The following MINDY3 variants were observed in gnomAD, a reference collection of about 807,000 sequenced individuals.
MINDY3 encodes the protein ubiquitin carboxyl-terminal hydrolase MINDY-3.
In MINDY3, 38 loss-of-function variants were observed where a neutral mutation model predicts 69.2. The ratio of observed to expected loss-of-function variants is 0.55; its 90% CI spans 0.42 to 0.72. The LOEUF (loss-of-function observed/expected upper bound fraction) is 0.72. MINDY3 is among the 30% of genes least tolerant of loss of function. The probability of loss-of-function intolerance (pLI) is 0.00; values close to 1 mark genes in which losing one functional copy is unlikely to be tolerated. For missense variants in MINDY3, 522 were observed against 519.0 expected (o/e 1.01, Z -0.06); for synonymous variants, 192 against 180.1 (o/e 1.07, Z -0.53).
intron 13 of MINDY3, 41 bp from the exon 14 acceptor site, chr10:15,782,267 T>C (rs757635397): frequency 7.6e-7 from 1 of 1,309,636 alleles, no homozygotes. Flanking sequence ...AAATTATATT[T>C]ATATCAGGCA....
chr10:15,843,129 A>T, intron 3 of MINDY3, 83 bp downstream of exon 3: 1 of 1,139,156 alleles, frequency 8.8e-7, no homozygotes, highest in South Asian at 1.4e-5. Context: ...ATTCCCACTG[A>T]TACTTGACTT....
chr10:15,810,810 G>C (rs976296791), intron 10 of MINDY3, among the ~76,000 whole-genome samples: 3 of 152,008 alleles, frequency 2.0e-5, no homozygotes, highest in Non-Finnish European at 4.4e-5. Flanking sequence ...GACGAATCTA[G>C]TACCCAGAAT....
At chr10:15,789,015 A>G (rs1837205176) in intron 12 of MINDY3, 2 of 370,230 alleles carry the variant, frequency 5.4e-6, no homozygotes, top group East Asian at 4.2e-5. Context: ...CACTTTTAGC[A>G]TTTTTTAAAA....
At chr10:15,801,835 C>T (rs1469306169) in intron 10 of MINDY3, among the ~76,000 whole-genome samples, 6 of 151,620 alleles carry the variant, frequency 4.0e-5, no homozygotes, top group Admixed American at 4.0e-4. Flanking sequence ...TTTACAGAGC[C>T]AATCAGAGTA....
rs1243383922 is a variant in MINDY3, at chr10:15,778,645, A to G, written c.*347T>C. ...GTGCCTCAATGAAATAAAACCCAAA[A>G]GTAGTTTATCAATAGTAACTGTGAT... On this transcript the variant is annotated 3_prime_UTR_variant, in exon 15 of 15. Coordinates refer to ENST00000277632, the MANE Select transcript of MINDY3 (RefSeq NM_024948.4). 1 of 164,326 alleles carries G rather than the reference A, an allele frequency of 6.1e-6. No homozygotes were observed. The highest frequency in any genetic ancestry group is 2.4e-5 in the African/African-American group (1 of 41,884). 10.2% of individuals were successfully genotyped at this position (164,326 alleles called of 1,614,324 possible).
rs777880686 is a variant in MINDY3, at chr10:15,789,237, T to C, written c.1028+10A>G. On this transcript the variant is annotated intron_variant, in intron 12 of 14. Transcript: ENST00000277632. Reference sequence around the variant, plus strand: ...TGAGTTGGCTAAATAACACTTCCTATTTAGCTTACTATTCAGGATCTGAAA... The same window carrying C: ...TGAGTTGGCTAAATAACACTTCCTACTTAGCTTACTATTCAGGATCTGAAA... The C allele has an allele frequency of 2.5e-6, 4 of 1,598,560 alleles. No homozygotes were observed. In the Admixed American group the frequency reaches 6.7e-5, roughly 27 times the overall value.
chr10:15,796,863 C>T (rs963250572), intron 10 of MINDY3, among the ~76,000 whole-genome samples: 1 of 152,048 alleles, frequency 6.6e-6, no homozygotes, highest in Non-Finnish European at 1.5e-5. Flanking sequence ...ATTTACCCCA[C>T]ATATCTAAGC....
At chr10:15,825,059 A>G (rs1038149439) in intron 8 of MINDY3, among the ~76,000 whole-genome samples, 1 of 152,212 alleles carries the variant, frequency 6.6e-6, no homozygotes. Flanking sequence ...ATTTATTTGT[A>G]GGAGACTTTC....
chr10:15,843,640 A>G (rs1833631769), intron 2 of MINDY3, among the ~76,000 whole-genome samples: 1 of 152,132 alleles, frequency 6.6e-6, no homozygotes, highest in Non-Finnish European at 1.5e-5. Context: ...AGATTCCTTC[A>G]GGTAAAAGAA....
Position 15,837,296 on chromosome 10 carries a change from G to A in MINDY3, c.484C>T (p.Pro162Ser), listed in dbSNP as rs138124154. The A allele has an allele frequency of 3.7e-5, 60 of 1,603,172 alleles. No homozygotes were observed. The highest frequency in any genetic ancestry group is 2.3e-4 in the South Asian group (20 of 88,836). The change falls in exon 6 of 15, where the codon CCA becomes TCA. Residue 162 changes from proline to serine, a missense_variant. By Grantham distance (74) the Pro-to-Ser change is moderately conservative. Transcript: ENST00000277632. ...LIQKRSFRSLPELKDAVLDQY... is the reference protein window; with the variant it reads ...LIQKRSFRSLSELKDAVLDQY... ...TCCAAGACAGCATCTTTTAATTCTG[G>A]TAAACTTCTGAACGATCTTTTTCTG...
chr10:15,819,563 C>T (rs1839612238), intron 9 of MINDY3, among the ~76,000 whole-genome samples: 1 of 152,146 alleles, frequency 6.6e-6, no homozygotes, highest in Non-Finnish European at 1.5e-5. Context: ...ATTAGCCAAT[C>T]CACAGGGGAG....
chr10:15,816,282 G>GAAAAAAAAAA, intron 10 of MINDY3, among the ~76,000 whole-genome samples: 1 of 108,500 alleles, frequency 9.2e-6, no homozygotes, highest in South Asian at 2.3e-4. Flanking sequence ...AAAAAAAAAT[G>GAAAAAAAAAA]AAAAAGAAAA....
At chr10:15,859,824 A>G (rs1450494763) in intron 1 of MINDY3, among the ~76,000 whole-genome samples, 1 of 152,170 alleles carries the variant, frequency 6.6e-6, no homozygotes, top group Non-Finnish European at 1.5e-5. Flanking sequence ...ACCACCACCA[A>G]TAGACAGCTC....
chr10:15,841,389 C>A, intron 4 of MINDY3, 37 bp downstream of exon 4: 1 of 1,530,624 alleles, frequency 6.5e-7, no homozygotes, highest in Non-Finnish European at 8.9e-7. Context: ...AACAAAGGAA[C>A]AAGAAAAAAA....
chr10:15,855,279 G>C (rs1227412302), intron 1 of MINDY3, among the ~76,000 whole-genome samples: 1 of 152,042 alleles, frequency 6.6e-6, no homozygotes, highest in Non-Finnish European at 1.5e-5. Flanking sequence ...AATAAAGTCA[G>C]CTAAATGAAA....
At chr10:15,811,884 T>C (rs1407744322) in intron 10 of MINDY3, among the ~76,000 whole-genome samples, 5 of 152,148 alleles carry the variant, frequency 3.3e-5, no homozygotes, top group African/African-American at 9.6e-5. Context: ...AGATGCTTAA[T>C]TCAGTTTTCC....
At position 15,837,324 on chromosome 10, in the gene MINDY3, G is replaced by A. The variant is rs1368249142; in HGVS notation, c.462-6C>T. 31 of 1,561,794 alleles carry A rather than the reference G, an allele frequency of 2.0e-5. No individual in the cohort carries two copies. Among genetic ancestry groups the A allele is most frequent in the Non-Finnish European group, 2.4e-5 (28 of 1,148,848 alleles). On this transcript the variant is annotated splice_region_variant and splice_polypyrimidine_tract_variant and intron_variant, in intron 5 of 14. Coordinates refer to ENST00000277632, the MANE Select transcript of MINDY3 (RefSeq NM_024948.4). ...AACTTCTGAACGATCTTTTTCTGGG[G>A]GAAAAAAAGAATTAAGTATTGGTAT... is the stretch of plus-strand genomic sequence containing the variant.
At chr10:15,827,931 C>T (rs1840200338) in intron 8 of MINDY3, among the ~76,000 whole-genome samples, 1 of 152,160 alleles carries the variant, frequency 6.6e-6, no homozygotes, top group Non-Finnish European at 1.5e-5. Flanking sequence ...AAAATACGAA[C>T]TCTCCTACAC....
chr10:15,813,206 C>T (rs1277532159), intron 10 of MINDY3, among the ~76,000 whole-genome samples: 3 of 152,100 alleles, frequency 2.0e-5, no homozygotes, highest in Non-Finnish European at 4.4e-5. Flanking sequence ...AGTAACATGG[C>T]CTGCTATTCT....
Sources: allele counts gnomAD v4.1 joint callset (sites outside exome capture counted in the v4.1 genomes callset), GRCh38; gene constraint gnomAD v4.1.1; transcripts MANE v1.5; gene names NCBI Gene and HGNC (gene_info 2026-07-23, HGNC 2026-07-21).